Variants in RHBDL3 observed in about 807,000 individuals in gnomAD.
The protein encoded by RHBDL3 is rhomboid like 3.
A neutral mutation model predicts 48.2 loss-of-function variants in RHBDL3; 28 were observed. The ratio of observed to expected loss-of-function variants is 0.58; its 90% CI spans 0.43 to 0.80. RHBDL3 has a LOEUF of 0.80. Ranked by LOEUF, RHBDL3 falls within the 30% of genes least tolerant of loss-of-function variation. RHBDL3 has a pLI of 0.00. For missense variants in RHBDL3, 464 were observed against 542.7 expected (o/e 0.85, Z 1.44); for synonymous variants, 208 against 232.3 (o/e 0.90, Z 0.95).
chr17:32,280,246 CG>C, intron 2 of RHBDL3: 1 of 152,604 alleles, frequency 6.6e-6, no homozygotes, highest in East Asian at 1.9e-4. Flanking sequence ...ACGGCTGCCC[CG>C]ACCAGCCCCA....
chr17:32,286,283 T>C (rs1444853454), intron 3 of RHBDL3, among the ~76,000 whole-genome samples: 1 of 152,218 alleles, frequency 6.6e-6, no homozygotes, highest in Non-Finnish European at 1.5e-5. Context: ...CAATGGAGCC[T>C]CTGTGTGAGC....
chr17:32,287,028 T>C (rs1328093416), intron 3 of RHBDL3, among the ~76,000 whole-genome samples: 1 of 152,230 alleles, frequency 6.6e-6, no homozygotes, highest in Non-Finnish European at 1.5e-5. Flanking sequence ...ACTCACCCTC[T>C]CCAAGCTTCA....
intron 2 of RHBDL3, among the ~76,000 whole-genome samples, chr17:32,279,545 C>T (rs1038137173): frequency 6.6e-6 from 1 of 152,214 alleles, no homozygotes; most frequent in South Asian, 2.1e-4. Flanking sequence ...CCAAATGACC[C>T]CGGCCCTTCC....
intron 3 of RHBDL3, chr17:32,288,258 C>G (rs1468281207): frequency 6.5e-6 from 1 of 154,078 alleles, no homozygotes; most frequent in Admixed American, 6.4e-5. Context: ...TCTGACCTCC[C>G]TGGGACTGGA....
At chr17:32,284,993 C>T (rs1389263886) in intron 3 of RHBDL3, among the ~76,000 whole-genome samples, 176 bp downstream of exon 3, 1 of 152,248 alleles carries the variant, frequency 6.6e-6, no homozygotes, top group Non-Finnish European at 1.5e-5. Flanking sequence ...TCTCTAGGCT[C>T]TGCCCTCCGC....
intron 2 of RHBDL3, among the ~76,000 whole-genome samples, chr17:32,270,505 A>G (rs1209029254): frequency 6.6e-6 from 1 of 151,930 alleles, no homozygotes; most frequent in African/African-American, 2.4e-5. Flanking sequence ...TGTTGGTCCT[A>G]TATGGTCACC....
chr17:32,295,989 G>T (rs540549384), intron 5 of RHBDL3, among the ~76,000 whole-genome samples: 147 of 152,036 alleles, frequency 9.7e-4, no homozygotes, highest in Non-Finnish European at 1.5e-3. Flanking sequence ...CACTTTGGGG[G>T]GCCAAGGCAG....
Position 32,305,885 on chromosome 17 carries a change from T to C in RHBDL3, c.882+444T>C, listed in dbSNP as rs574151958. 1.8e-3 allele frequency among the ~76,000 whole-genome samples: 272 copies of C among 149,874 alleles called. 1 individual carries two copies. The highest frequency in any genetic ancestry group is 6.2e-3 in the African/African-American group (253 of 40,692). Reference sequence around the variant, plus strand: ...GTGAGCCGAGATCGCGCCACTGCACTCCAGCCTGGGGGAGAGAGTGAGATT... The same window carrying C: ...GTGAGCCGAGATCGCGCCACTGCACCCCAGCCTGGGGGAGAGAGTGAGATT... On this transcript the variant is annotated intron_variant, in intron 7 of 8. Coordinates refer to ENST00000269051, the MANE Select transcript of RHBDL3 (RefSeq NM_138328.3).
intron 7 of RHBDL3, among the ~76,000 whole-genome samples, chr17:32,309,499 C>T (rs528968252): frequency 5.9e-4 from 90 of 152,002 alleles, no homozygotes; most frequent in African/African-American, 2.1e-3. Context: ...TTGTGGTGAG[C>T]CGAGATCACG....
intron 8 of RHBDL3, among the ~76,000 whole-genome samples, chr17:32,320,662 G>C (rs190846604): frequency 6.6e-6 from 1 of 152,158 alleles, no homozygotes; most frequent in African/African-American, 2.4e-5. Context: ...GTGACTCCCC[G>C]GGCTAAAGAA....
At chr17:32,298,327 T>C in intron 6 of RHBDL3, 123 bp downstream of exon 6, 1 of 611,192 alleles carries the variant, frequency 1.6e-6, no homozygotes. Flanking sequence ...CCAAGGCTCC[T>C]GACTTAACCA....
chr17:32,293,915 G>A (rs1465388549), intron 4 of RHBDL3, among the ~76,000 whole-genome samples: 1 of 152,082 alleles, frequency 6.6e-6, no homozygotes, highest in African/African-American at 2.4e-5. Flanking sequence ...ATCACCTGAG[G>A]TCAGGAGTTC....
chr17:32,285,546 C>T (rs1431114017), intron 3 of RHBDL3, among the ~76,000 whole-genome samples: 2 of 152,120 alleles, frequency 1.3e-5, no homozygotes, highest in East Asian at 1.9e-4. Context: ...GAGACTTCCC[C>T]TCACTGAGGG....
At chr17:32,320,917 A>G (rs759969666) in intron 8 of RHBDL3, 41 bp from the exon 9 acceptor site, 51 of 1,495,600 alleles carry the variant, frequency 3.4e-5, no homozygotes, top group Non-Finnish European at 4.5e-5. Context: ...GCCCCTGCTC[A>G]GGGCCCTCCT....
intron 2 of RHBDL3, among the ~76,000 whole-genome samples, chr17:32,279,613 G>A (rs1010293176): frequency 1.3e-5 from 2 of 152,194 alleles, no homozygotes; most frequent in East Asian, 3.8e-4. Context: ...CCTTGACTGT[G>A]CAAAGATTCC....
intron 3 of RHBDL3, among the ~76,000 whole-genome samples, chr17:32,286,072 A>G (rs1207077366): frequency 6.6e-6 from 1 of 152,192 alleles, no homozygotes; most frequent in Non-Finnish European, 1.5e-5. Context: ...GGAGGGGGAC[A>G]GTGAGGATTC....
chr17:32,267,673 CCAT>C, intron 1 of RHBDL3: 1 of 855,650 alleles, frequency 1.2e-6, no homozygotes, highest in Non-Finnish European at 1.5e-6. Flanking sequence ...CGCCCCCACC[CCAT>C]CCCTTACTGT....
intron 7 of RHBDL3, among the ~76,000 whole-genome samples, chr17:32,308,869 CA>C (rs1244536013): frequency 6.6e-6 from 1 of 151,740 alleles, no homozygotes; most frequent in Non-Finnish European, 1.5e-5. Flanking sequence ...AGTTCAAGAC[CA>C]GCCTGACCAA....
intron 2 of RHBDL3, among the ~76,000 whole-genome samples, chr17:32,268,499 G>A (rs1437247970): frequency 6.6e-6 from 1 of 152,190 alleles, no homozygotes; most frequent in Non-Finnish European, 1.5e-5. Flanking sequence ...ATGGAGTTGG[G>A]GGTGCCAAGT....
Sources: gnomAD v4.1 joint callset for allele counts (sites outside exome capture counted in the v4.1 genomes callset) on GRCh38, gnomAD v4.1.1 for gene constraint, MANE v1.5 for transcripts, NCBI Gene and HGNC (gene_info 2026-07-23, HGNC 2026-07-21) for gene names.